NR3C1: variants seen among roughly 807,000 people sequenced by gnomAD.
NR3C1 encodes the protein glucocorticoid receptor.
A neutral mutation model predicts 74.0 loss-of-function variants in NR3C1; 14 were observed. The observed-to-expected ratio is 0.19, with a 90% CI of 0.12 to 0.30. The LOEUF is 0.30. NR3C1 is among the 10% of genes least tolerant of loss of function. The pLI is 1.00. For synonymous variants in NR3C1, 308 were observed against 332.5 expected (o/e 0.93, Z 0.80); for missense variants, 695 against 909.8 (o/e 0.76, Z 3.04).
Position 143,368,463 on chromosome 5 carries a change from C to T in NR3C1, c.1184+31193G>A, listed in dbSNP as rs751321483. ...CCTTTTAAATGGGAGAAATTGTCCT[C>T]AAATTATATATTTCATAAGGGTCTA... On this transcript the variant is annotated intron_variant, in intron 2 of 8. Transcript: ENST00000394464. Among the ~76,000 whole-genome samples, 237 of 151,614 alleles carry T rather than the reference C, an allele frequency of 1.6e-3. 4 individuals carry two copies. Among genetic ancestry groups the T allele is most frequent in the Non-Finnish European group, 5.7e-4 (39 of 67,936 alleles).
intron 2 of NR3C1, among the ~76,000 whole-genome samples, chr5:143,397,171 A>ATT (rs953452353): frequency 1.3e-5 from 2 of 151,354 alleles, no homozygotes; most frequent in East Asian, 3.9e-4. Flanking sequence ...TAAAGTGAGG[A>ATT]TTTTTTTTTA....
chr5:143,409,867 A>T (rs369707681), intron 1 of NR3C1, among the ~76,000 whole-genome samples: 4 of 152,306 alleles, frequency 2.6e-5, no homozygotes, highest in African/African-American at 9.6e-5. Flanking sequence ...GTCTTTCATG[A>T]TGCTTTCAAT....
upstream of NR3C1, among the ~76,000 whole-genome samples, chr5:143,405,851 A>G (rs759589404): frequency 2.0e-5 from 3 of 152,142 alleles, 1 homozygote; most frequent in Non-Finnish European, 2.9e-5. Context: ...TTGGATGCTC[A>G]TCTGTGAGGC....
chr5:143,301,522 A>ATACAT (rs1818490972), intron 4 of NR3C1, among the ~76,000 whole-genome samples: 1 of 151,776 alleles, frequency 6.6e-6, no homozygotes, highest in Non-Finnish European at 1.5e-5. Flanking sequence ...CATATTATAT[A>ATACAT]TAAATTATCT....
chr5:143,322,325 A>G (rs1823568716), intron 2 of NR3C1, among the ~76,000 whole-genome samples: 1 of 152,208 alleles, frequency 6.6e-6, no homozygotes, highest in Non-Finnish European at 1.5e-5. Flanking sequence ...ATTTTCCACT[A>G]TGATAAAGTG....
At position 143,345,779 on chromosome 5, in the gene NR3C1, T is replaced by C. The variant is rs544967332; in HGVS notation, c.1185-31611A>G. On this transcript the variant is annotated intron_variant, in intron 2 of 8. Transcript: ENST00000394464. ...TGTTTTTATTATTCTTAAATGTATA[T>C]ATATAGCTCACATTTATTTCAGTGG... Among the ~76,000 whole-genome samples, 16 of 152,368 alleles carry C rather than the reference T, an allele frequency of 1.1e-4. No homozygotes were observed. The South Asian group carries it at 2.1e-3, about 20-fold the overall frequency.
intron 2 of NR3C1, among the ~76,000 whole-genome samples, chr5:143,379,589 T>C (rs1349916688): frequency 6.6e-6 from 1 of 152,224 alleles, no homozygotes; most frequent in African/African-American, 2.4e-5. Context: ...CTTTGCAGTG[T>C]AATTGCAGCT....
chr5:143,335,979 T>G (rs1008691215), intron 2 of NR3C1, among the ~76,000 whole-genome samples: 12 of 152,252 alleles, frequency 7.9e-5, no homozygotes, highest in African/African-American at 2.9e-4. Flanking sequence ...TTTCCCCATA[T>G]TCGCTTCTAA....
chr5:143,311,681 A>G lies in NR3C1; in HGVS notation c.1352-1468T>C, dbSNP rs573430625. ...ATTTATTTTTAGACAAGTTCTTGCTACGTTGCCTAGGCTGGAGTACAGTGG... is the reference window on the plus strand; with the variant it reads ...ATTTATTTTTAGACAAGTTCTTGCTGCGTTGCCTAGGCTGGAGTACAGTGG... On this transcript the variant is annotated intron_variant, in intron 3 of 8. Transcript: ENST00000394464. 2.0e-5 allele frequency among the ~76,000 whole-genome samples: 3 copies of G among 151,792 alleles called. No homozygotes were observed. In the East Asian group the frequency reaches 5.8e-4, roughly 29 times the overall value.
chr5:143,399,768 G>T lies in NR3C1; in HGVS notation c.1072C>A (p.Pro358Thr). ...KPIFNVIPPI[P>T]VGSENWNRCQ... ...CTATTCCAATTTTCGGAACCAACGG[G>T]AATTGGTGGAATGACATTAAAAATA... The change falls in exon 2 of 9, where the codon CCC becomes ACC. Residue 358 changes from proline (P) to threonine (T), a missense_variant. By Grantham distance (38) the Pro-to-Thr change is conservative (BLOSUM62 -1). This residue lies in a region of NR3C1 where 497 missense variants were observed against 489.5 expected (regional missense o/e 1.02). Coordinates refer to ENST00000394464, the MANE Select transcript of NR3C1 (RefSeq NM_000176.3). The T allele has an allele frequency of 6.2e-7, 1 of 1,614,192 alleles. No individual in the cohort carries two copies. Among genetic ancestry groups the T allele is most frequent in the Non-Finnish European group, 8.5e-7 (1 of 1,180,024 alleles).
At chr5:143,328,460 C>T (rs1028256580) in intron 2 of NR3C1, among the ~76,000 whole-genome samples, 1 of 152,206 alleles carries the variant, frequency 6.6e-6, no homozygotes, top group Non-Finnish European at 1.5e-5. Context: ...CTTATTATTA[C>T]TTATTACTCC....
chr5:143,310,373 G>A (rs1411326894), intron 3 of NR3C1, among the ~76,000 whole-genome samples, 160 bp from the exon 4 acceptor site: 3 of 152,056 alleles, frequency 2.0e-5, no homozygotes, highest in South Asian at 2.1e-4. Context: ...AGGTCGAGAG[G>A]TCAAAAACAA....
At chr5:143,368,568 CCG>C (rs1833695047) in intron 2 of NR3C1, among the ~76,000 whole-genome samples, 1 of 148,912 alleles carries the variant, frequency 6.7e-6, no homozygotes, top group African/African-American at 2.5e-5. Flanking sequence ...CACACACACA[CCG>C]ACAACTCAAC....
At chr5:143,386,244 A>G (rs1837199021) in intron 2 of NR3C1, among the ~76,000 whole-genome samples, 1 of 152,210 alleles carries the variant, frequency 6.6e-6, no homozygotes, top group Non-Finnish European at 1.5e-5. Context: ...CTCCCCTGAT[A>G]TGTGAGGATT....
intron 2 of NR3C1, among the ~76,000 whole-genome samples, chr5:143,339,757 A>G (rs140091233): frequency 6.6e-6 from 1 of 152,218 alleles, no homozygotes; most frequent in Non-Finnish European, 1.5e-5. Context: ...TTCCAGACAC[A>G]GCTGAGAGTA....
intron 2 of NR3C1, chr5:143,333,217 A>G (rs1293506234): frequency 6.6e-7 from 1 of 1,504,916 alleles, no homozygotes; most frequent in Non-Finnish European, 9.1e-7. Context: ...CGCATCAATC[A>G]GCTCATCCGT....
intron 2 of NR3C1, among the ~76,000 whole-genome samples, chr5:143,382,066 G>GA (rs113319001): frequency 1.1e-4 from 16 of 151,996 alleles, no homozygotes; most frequent in African/African-American, 3.1e-4. Flanking sequence ...CAGACAACAG[G>GA]AAAAAATCAA....
intron 2 of NR3C1, among the ~76,000 whole-genome samples, chr5:143,384,321 G>A (rs1022399718): frequency 3.9e-5 from 6 of 152,024 alleles, no homozygotes; most frequent in South Asian, 4.1e-4. Flanking sequence ...TTCTGCCCCC[G>A]GCCCCTCCTA....
intron 1 of NR3C1, among the ~76,000 whole-genome samples, chr5:143,430,082 CAA>C (rs796291345): frequency 7.3e-5 from 7 of 95,654 alleles, no homozygotes; most frequent in East Asian, 2.8e-4. Flanking sequence ...ACTCCATCTC[CAA>C]AAAAAAAAAA....
Sources: gnomAD v4.1 joint callset for allele counts (sites outside exome capture counted in the v4.1 genomes callset) on GRCh38, gnomAD v4.1.1 for gene constraint, gnomAD v4.1.1 regional missense constraint, MANE v1.5 for transcripts, NCBI Gene and HGNC (gene_info 2026-07-23, HGNC 2026-07-21) for gene names.